ARHGAP22: variants seen among roughly 807,000 people sequenced by gnomAD.
ARHGAP22 encodes rho GTPase-activating protein 22.
ARHGAP22 carries 48 observed loss-of-function variants against 59.1 expected under a neutral mutation model. The ratio of observed to expected loss-of-function variants is 0.81; its 90% CI spans 0.64 to 1.03. The LOEUF is 1.03. Among genes scored for constraint, ARHGAP22 ranks in the 50% least tolerant of loss-of-function variants. The probability of loss-of-function intolerance (pLI) is 0.00; values close to 1 mark genes in which losing one functional copy is unlikely to be tolerated. For missense variants in ARHGAP22, 1,015 were observed against 958.7 expected, an observed-to-expected ratio of 1.06 and a Z score of -0.78; for synonymous variants, 445 against 416.4, an observed-to-expected ratio of 1.07 and a Z score of -0.84.
chr10:48,481,958 T>C (rs752969984), intron 3 of ARHGAP22, among the ~76,000 whole-genome samples: 1 of 152,224 alleles, frequency 6.6e-6, no homozygotes, highest in Non-Finnish European at 1.5e-5. Context: ...AATAGATTAT[T>C]TATTTTCCAT....
intron 8 of ARHGAP22, 196 bp from the exon 9 acceptor site, chr10:48,451,336 GC>G (rs1282442233): frequency 2.5e-6 from 2 of 793,722 alleles, no homozygotes; most frequent in Admixed American, 4.0e-5. Flanking sequence ...GCAGGATGGG[GC>G]CGCAGAACCG....
chr10:48,448,447 C>A (rs942600758), intron 9 of ARHGAP22, among the ~76,000 whole-genome samples: 5 of 152,210 alleles, frequency 3.3e-5, no homozygotes, highest in Non-Finnish European at 7.3e-5. Context: ...TCAGTTTTCA[C>A]CCCAACTGTG....
intron 1 of ARHGAP22, among the ~76,000 whole-genome samples, chr10:48,614,055 T>TG (rs2060991948): frequency 6.6e-6 from 1 of 152,212 alleles, no homozygotes; most frequent in Admixed American, 6.5e-5. Flanking sequence ...GGGCTTCCCA[T>TG]CCTCCAGAAC....
At chr10:48,565,961 AG>A in intron 2 of ARHGAP22, among the ~76,000 whole-genome samples, 1 of 152,322 alleles carries the variant, frequency 6.6e-6, no homozygotes, top group South Asian at 2.1e-4. Flanking sequence ...GTGTGATGAC[AG>A]TCCATGGGGA....
intron 1 of ARHGAP22, among the ~76,000 whole-genome samples, chr10:48,651,691 AAC>A: frequency 6.6e-6 from 1 of 152,206 alleles, no homozygotes; most frequent in East Asian, 1.9e-4. Flanking sequence ...GACCCAAACA[AAC>A]AGTCATCCCA....
Position 48,580,933 on chromosome 10 carries a change from T to TAAA in ARHGAP22, c.234+2017_234+2019dup, listed in dbSNP as rs3076348. Among the ~76,000 whole-genome samples the TAAA allele has an allele frequency of 7.8e-4, 115 of 147,820 alleles. 2 individuals carry two copies. The highest frequency in any genetic ancestry group is 2.8e-3 in the East Asian group (14 of 5,012). The stretch of plus-strand genomic sequence containing the variant: ...ATTTTACAAATGATACAATCTAAAG[T>TAAA]AAAAAAAAAAAAAAAATGGACTCCC... On this transcript the variant is annotated intron_variant, in intron 2 of 9. Transcript: ENST00000249601.
chr10:48,454,920 A>G, intron 6 of ARHGAP22, 82 bp downstream of exon 6: 2 of 1,427,502 alleles, frequency 1.4e-6, no homozygotes, highest in Non-Finnish European at 1.9e-6. Context: ...AAATTCATGA[A>G]AAGTCAGAGT....
intron 1 of ARHGAP22, among the ~76,000 whole-genome samples, chr10:48,649,568 G>T (rs2062464377): frequency 6.6e-6 from 1 of 152,200 alleles, no homozygotes; most frequent in African/African-American, 2.4e-5. Context: ...GGCATGGGGA[G>T]TGCCAGGAGG....
intron 2 of ARHGAP22, chr10:48,574,825 CT>C: frequency 6.6e-6 from 1 of 152,276 alleles, no homozygotes; most frequent in East Asian, 1.9e-4. Context: ...GATGTCAGTC[CT>C]TCAGTTTCCT....
intron 5 of ARHGAP22, among the ~76,000 whole-genome samples, chr10:48,456,410 C>T (rs1029352465): frequency 6.6e-6 from 1 of 152,170 alleles, no homozygotes; most frequent in African/African-American, 2.4e-5. Context: ...AGGCAGCCCC[C>T]ATCCCACCCT....
chr10:48,643,615 A>AG (rs1298040918), intron 1 of ARHGAP22, among the ~76,000 whole-genome samples: 1 of 118,148 alleles, frequency 8.5e-6, no homozygotes, highest in Non-Finnish European at 1.8e-5. Flanking sequence ...GGTTGGTGGG[A>AG]GGGGGGAGGG....
At chr10:48,556,295 A>G (rs1291342956) in intron 2 of ARHGAP22, among the ~76,000 whole-genome samples, 1 of 139,410 alleles carries the variant, frequency 7.2e-6, no homozygotes, top group African/African-American at 2.6e-5. Flanking sequence ...GACATGTCTC[A>G]GGAGGGTCGA....
At chr10:48,441,473 A>T (rs1333087848), downstream of ARHGAP22, among the ~76,000 whole-genome samples, 1 of 142,994 alleles carries the variant, frequency 7.0e-6, no homozygotes, top group Non-Finnish European at 1.5e-5. Context: ...TTTTTTTGAG[A>T]CAGAGTCTCG....
At chr10:48,503,489 C>T (rs559612569) in intron 3 of ARHGAP22, among the ~76,000 whole-genome samples, 30 of 152,218 alleles carry the variant, frequency 2.0e-4, no homozygotes, top group Non-Finnish European at 3.4e-4. Flanking sequence ...AATGAGGCCC[C>T]ACACCTGCTG....
At chr10:48,530,169 G>A (rs191175017) in intron 3 of ARHGAP22, among the ~76,000 whole-genome samples, 83 of 148,496 alleles carry the variant, frequency 5.6e-4, no homozygotes, top group African/African-American at 1.2e-3. Flanking sequence ...CCCAGGAGGC[G>A]GAGGTTTCAG....
intron 1 of ARHGAP22, among the ~76,000 whole-genome samples, chr10:48,622,446 A>G (rs1218952559): frequency 1.3e-5 from 2 of 152,162 alleles, no homozygotes; most frequent in Non-Finnish European, 2.9e-5. Context: ...ATTAACACAT[A>G]ACTATATATG....
intron 1 of ARHGAP22, among the ~76,000 whole-genome samples, chr10:48,644,472 A>G (rs1426920634): frequency 6.6e-6 from 1 of 152,252 alleles, no homozygotes; most frequent in African/African-American, 2.4e-5. Context: ...CAATGACTGC[A>G]GAATATACAT....
intron 3 of ARHGAP22, among the ~76,000 whole-genome samples, chr10:48,542,248 A>AG (rs11459168): frequency 0.24 from 36,127 of 152,054 alleles, 4,513 homozygotes; most frequent in African/African-American, 0.26. Context: ...GTCAGAACAG[A>AG]GGGCCACTTC....
rs186207297 is a variant in ARHGAP22 at position 48,617,674 on chromosome 10, C to A, written c.53-34522G>T. 2.6e-3 allele frequency among the ~76,000 whole-genome samples: 394 copies of A among 151,962 alleles called. 3 individuals carry two copies. The highest frequency in any genetic ancestry group is 3.6e-3 in the Non-Finnish European group (241 of 67,806). On this transcript the variant is annotated intron_variant, in intron 1 of 9. Coordinates refer to the ARHGAP22 transcript ENST00000435790. ...AAACAGAAGTACAACATATAAAAAT[C>A]TTTGTGACACAGCAAAAACAATATT...
Sources: allele counts gnomAD v4.1 joint callset (sites outside exome capture counted in the v4.1 genomes callset), GRCh38; gene constraint gnomAD v4.1.1; transcripts MANE v1.5; gene names NCBI Gene and HGNC (gene_info 2026-07-23, HGNC 2026-07-21).